Variants in ANKS1B observed in about 807,000 individuals in gnomAD.
The protein encoded by ANKS1B is ankyrin repeat and sterile alpha motif domain containing 1B.
A neutral mutation model predicts 148.3 loss-of-function variants in ANKS1B; 36 were observed. The observed-to-expected ratio is 0.24, with a 90% confidence interval of 0.19 to 0.32. The LOEUF is 0.32. Ranked by LOEUF, ANKS1B falls within the 10% of genes least tolerant of loss-of-function variation. The pLI, the probability that ANKS1B is intolerant of heterozygous loss-of-function variation, is 1.00. For missense variants in ANKS1B, 1,157 were observed against 1,542.6 expected (o/e 0.75, Z 4.19); for synonymous variants, 542 against 560.8 (o/e 0.97, Z 0.47).
At chr12:98,838,280 A>G (rs1344466939) in intron 17 of ANKS1B, among the ~76,000 whole-genome samples, 1 of 152,216 alleles carries the variant, frequency 6.6e-6, no homozygotes, top group Admixed American at 6.5e-5. Context: ...ATGTTTACAT[A>G]GACACAGCAT....
At chr12:99,287,437 T>C (rs1419654812) in intron 12 of ANKS1B, among the ~76,000 whole-genome samples, 1 of 152,106 alleles carries the variant, frequency 6.6e-6, no homozygotes, top group African/African-American at 2.4e-5. Context: ...CCAAGAAGGA[T>C]GGGTACAAAT....
intron 8 of ANKS1B, among the ~76,000 whole-genome samples, chr12:99,671,060 T>C (rs2098535796): frequency 6.6e-6 from 1 of 152,230 alleles, no homozygotes; most frequent in Admixed American, 6.5e-5. Context: ...GTTTCTCTTC[T>C]CTAAATTCCC....
At chr12:99,205,096 C>A (rs2082489732) in intron 14 of ANKS1B, among the ~76,000 whole-genome samples, 1 of 152,162 alleles carries the variant, frequency 6.6e-6, no homozygotes, top group South Asian at 2.1e-4. Flanking sequence ...AATGGAGTCA[C>A]TCATGCTAAA....
At chr12:99,898,932 A>G (rs955780762) in intron 1 of ANKS1B, among the ~76,000 whole-genome samples, 1 of 152,224 alleles carries the variant, frequency 6.6e-6, no homozygotes, top group Admixed American at 6.5e-5. Context: ...ATTAACAAGA[A>G]TAACAGCTAC....
intron 12 of ANKS1B, among the ~76,000 whole-genome samples, chr12:99,372,714 T>C (rs2152476418): frequency 6.6e-6 from 1 of 152,262 alleles, no homozygotes; most frequent in East Asian, 1.9e-4. Flanking sequence ...TATGCGACAA[T>C]TTCTGGCTCT....
chr12:99,749,458 G>T (rs2060902839), intron 8 of ANKS1B, among the ~76,000 whole-genome samples: 1 of 152,020 alleles, frequency 6.6e-6, no homozygotes, highest in South Asian at 2.1e-4. Flanking sequence ...TTGAGTACTA[G>T]GATCCATAAA....
In ANKS1B at chr12:99,010,322, G is replaced by C. The variant is rs1324481306; in HGVS notation, c.2778+42835C>G. Among the ~76,000 whole-genome samples the C allele has an allele frequency of 2.6e-5, 4 of 152,296 alleles. No individual in the cohort carries two copies. The East Asian group carries it at 7.7e-4, about 29-fold the overall frequency. ...CCCTGCCTCAAAGGGTTGTTGTGAG[G>C]ATTAAAGGAGTTAACACACATAAAA... On this transcript the variant is annotated intron_variant, in intron 17 of 26. Transcript: ENST00000683438.
intron 9 of ANKS1B, among the ~76,000 whole-genome samples, chr12:99,576,660 G>A (rs1420807511): frequency 6.6e-6 from 1 of 152,036 alleles, no homozygotes; most frequent in African/African-American, 2.4e-5. Context: ...AATTAAGGCA[G>A]AAATTTAAAA....
intron 14 of ANKS1B, among the ~76,000 whole-genome samples, chr12:99,194,399 AC>A (rs2153888049): frequency 6.6e-6 from 1 of 151,880 alleles, no homozygotes; most frequent in African/African-American, 2.4e-5. Flanking sequence ...ACTTTCTCTT[AC>A]CCCTTTAGTT....
chr12:99,553,909 A>C (rs557187349), intron 9 of ANKS1B, among the ~76,000 whole-genome samples: 1 of 152,208 alleles, frequency 6.6e-6, no homozygotes, highest in African/African-American at 2.4e-5. Context: ...AAGGTTGAAC[A>C]AATGAACCAC....
chr12:99,122,773 C>A (rs2063216330), intron 15 of ANKS1B, among the ~76,000 whole-genome samples: 2 of 151,968 alleles, frequency 1.3e-5, no homozygotes, highest in Non-Finnish European at 2.9e-5. Flanking sequence ...TAAGAAATAT[C>A]ATTATCTTGT....
intron 15 of ANKS1B, among the ~76,000 whole-genome samples, chr12:99,104,049 C>T (rs1056984310): frequency 1.4e-4 from 22 of 152,116 alleles, no homozygotes; most frequent in African/African-American, 5.1e-4. Context: ...CTGTATTCTG[C>T]TAGGTTTCTT....
intron 17 of ANKS1B, among the ~76,000 whole-genome samples, chr12:98,994,551 G>A (rs1427429647): frequency 6.6e-6 from 1 of 152,162 alleles, no homozygotes; most frequent in African/African-American, 2.4e-5. Context: ...CCCAGGAGGC[G>A]GAGGTTGCAG....
intron 9 of ANKS1B, among the ~76,000 whole-genome samples, chr12:99,548,801 T>A (rs2097193133): frequency 6.6e-6 from 1 of 152,212 alleles, no homozygotes; most frequent in Admixed American, 6.5e-5. Context: ...AGCTCCTATA[T>A]ATCTTAGGGA....
intron 12 of ANKS1B, among the ~76,000 whole-genome samples, chr12:99,293,330 A>C (rs2080320130): frequency 6.6e-6 from 1 of 151,026 alleles, no homozygotes; most frequent in African/African-American, 2.4e-5. Flanking sequence ...GGTGGGGAAC[A>C]TCACACACTG....
intron 12 of ANKS1B, 47 bp downstream of exon 12, chr12:99,399,584 T>G (rs1360716224): frequency 6.3e-7 from 1 of 1,586,846 alleles, no homozygotes; most frequent in Admixed American, 1.8e-5. Flanking sequence ...TCATAAATAC[T>G]TCAGTCTTAA....
intron 1 of ANKS1B, among the ~76,000 whole-genome samples, chr12:99,973,280 C>T (rs1469598678): frequency 1.3e-5 from 2 of 152,214 alleles, no homozygotes; most frequent in Admixed American, 6.5e-5. Flanking sequence ...AGCTATAGAA[C>T]CACTAAGAAC....
At chr12:98,969,692 G>A (rs1212499809) in intron 17 of ANKS1B, among the ~76,000 whole-genome samples, 1 of 152,136 alleles carries the variant, frequency 6.6e-6, no homozygotes, top group Non-Finnish European at 1.5e-5. Context: ...TTCTGGGGCT[G>A]TAAATTAGCT....
At chr12:99,844,121 G>C (rs141523384) in intron 1 of ANKS1B, among the ~76,000 whole-genome samples, 2 of 152,008 alleles carry the variant, frequency 1.3e-5, no homozygotes, top group African/African-American at 4.8e-5. Flanking sequence ...TTTGTTTTAA[G>C]TTCCTTTTAG....
Sources: allele counts gnomAD v4.1 joint callset (sites outside exome capture counted in the v4.1 genomes callset), GRCh38; gene constraint gnomAD v4.1.1; transcripts MANE v1.5; gene names NCBI Gene and HGNC (gene_info 2026-07-23, HGNC 2026-07-21).